Variants in SEMA4B observed in about 807,000 individuals in gnomAD.
The protein encoded by SEMA4B is semaphorin 4B.
A neutral mutation model predicts 88.1 loss-of-function variants in SEMA4B; 55 were observed. The observed-to-expected ratio is 0.62, with a 90% CI of 0.50 to 0.78. The LOEUF is 0.78. Among genes scored for constraint, SEMA4B ranks in the 30% least tolerant of loss-of-function variants. SEMA4B has a pLI of 0.00. For missense variants in SEMA4B, 1,062 were observed against 1,111.9 expected (o/e 0.96, Z 0.64); for synonymous variants, 525 against 473.6 (o/e 1.11, Z -1.41).
At position 90,201,676 on chromosome 15, in the gene SEMA4B, T is replaced by G. The variant is rs1435574349; in HGVS notation, c.98T>G (p.Leu33Arg). ...PPLLLLLLLLLLLQPPPPTWA... is the reference protein window; with the variant it reads ...PPLLLLLLLLRLLQPPPPTWA... ...CTGCTGCTGCTCCTGCTGCTGCTGC[T>G]CCTGCTGCAGCCGCCGCCTCCGACC... Residue 33 changes from leucine (L) to arginine (R), a missense_variant, in exon 1 of 14, where the codon CTC becomes CGC. Physicochemically the swap from Leu to Arg is moderately radical, Grantham distance 102 (BLOSUM62 -2). Transcript: ENST00000411539. 3 of 1,514,926 alleles carry G rather than the reference T, an allele frequency of 2.0e-6. No homozygotes were observed. The East Asian group carries it at 7.8e-5, about 39-fold the overall frequency. The allele number at this position is 1,514,926 out of a possible 1,614,324, so 93.8% of individuals were successfully genotyped here. A position where few individuals can be genotyped will look rare whatever the true frequency, so the allele number is the denominator to read the frequency against.
chr15:90,227,626 G>A lies in SEMA4B; in HGVS notation c.1758G>A (p.Pro586=), dbSNP rs369838829. The A allele has an allele frequency of 9.7e-5, 156 of 1,613,986 alleles. No individual in the cohort carries two copies. The highest frequency in any genetic ancestry group is 1.2e-4 in the Non-Finnish European group (143 of 1,179,868). The part of the protein sequence containing the change: ...DLCSASSVVS[P]SFVPTGEKPC... ...GCAGCGCGTCTTCGGTTGTGTCCCC[G>A]TCTTTTGTACCAACAGGTGAGGTGC... Residue 586 remains proline, a synonymous_variant, in exon 13 of 14, where the codon CCG becomes CCA. Coordinates refer to ENST00000411539, the MANE Select transcript of SEMA4B (RefSeq NM_198925.4).
In SEMA4B at chr15:90,225,157, G is replaced by A. The variant is rs201828607; in HGVS notation, c.1384G>A (p.Asp462Asn). ...HRVPGLHHTYDVLFLGTGDGR... is the reference protein window; with the variant it reads ...HRVPGLHHTYNVLFLGTGDGR... ...CGTCCCTGGCCTGCACCACACCTAC[G>A]ATGTCCTCTTCCTGGGCACTGGTAA... is the stretch of plus-strand genomic sequence containing the variant. Residue 462 changes from aspartate to asparagine, a missense_variant, in exon 10 of 14, where the codon GAT becomes AAT. Physicochemically the swap from Asp to Asn is conservative, Grantham distance 23. Coordinates refer to ENST00000411539, the MANE Select transcript of SEMA4B (RefSeq NM_198925.4). The A allele has an allele frequency of 1.5e-3, 2,457 of 1,608,582 alleles. 26 individuals carry two copies. Among genetic ancestry groups the A allele is most frequent in the Non-Finnish European group, 8.7e-4 (1,021 of 1,177,464 alleles).
chr15:90,212,541 G>A lies in SEMA4B; in HGVS notation c.158-4898G>A, dbSNP rs967848876. On this transcript the variant is annotated intron_variant, in intron 1 of 13. Transcript: ENST00000411539. The surrounding 1 kb of genome is among the most constrained non-coding windows in gnomAD (Gnocchi z 4.0). Reference sequence around the variant, plus strand: ...AAGCTTAAGACTGACCCCAAGGTGCGCCAGCCCCTCGCAGGAAGTAAAGTG... The same window carrying A: ...AAGCTTAAGACTGACCCCAAGGTGCACCAGCCCCTCGCAGGAAGTAAAGTG... Among the ~76,000 whole-genome samples the A allele has an allele frequency of 6.6e-5, 10 of 152,262 alleles. No homozygotes were observed. The highest frequency in any genetic ancestry group is 1.3e-4 in the Non-Finnish European group (9 of 68,018).
chr15:90,198,829 G>A (rs2151590082), upstream of SEMA4B, among the ~76,000 whole-genome samples: 1 of 152,304 alleles, frequency 6.6e-6, no homozygotes, highest in South Asian at 2.1e-4. Flanking sequence ...GGAACCCTTG[G>A]AGGGTTTTGA....
chr15:90,192,347 C>T (rs527369376), intron 1 of SEMA4B, among the ~76,000 whole-genome samples: 18 of 152,278 alleles, frequency 1.2e-4, no homozygotes, highest in African/African-American at 3.1e-4. Context: ...GGCCAGGAGC[C>T]GCCTGGCAGG....
Position 90,229,649 on chromosome 15 carries a change from A to C in SEMA4B, c.*1006A>C. 1 of 332,766 alleles carries C rather than the reference A, an allele frequency of 3.0e-6. No homozygotes were observed. The highest frequency in any genetic ancestry group is 9.6e-5 in the East Asian group (1 of 10,404). 20.6% of individuals were successfully genotyped at this position (332,766 alleles called of 1,614,324 possible). On this transcript the variant is annotated 3_prime_UTR_variant, in exon 14 of 14. Coordinates refer to ENST00000411539, the MANE Select transcript of SEMA4B (RefSeq NM_198925.4). ...GTCATTTTTTAATAAAGTCTGAAGA[A>C]TTACTGTTTAATCCTGGCTCTTCCT... is the stretch of plus-strand genomic sequence containing the variant.
intron 13 of SEMA4B, 110 bp downstream of exon 13, chr15:90,227,752 C>T: frequency 6.9e-7 from 1 of 1,454,312 alleles, no homozygotes; most frequent in Non-Finnish European, 9.4e-7. Flanking sequence ...TTGCCCCCTA[C>T]CCCTGTAAGC....
intron 1 of SEMA4B, among the ~76,000 whole-genome samples, chr15:90,213,404 C>G (rs1368624779): frequency 6.6e-6 from 1 of 152,266 alleles, no homozygotes; most frequent in Non-Finnish European, 1.5e-5. Flanking sequence ...CCTTCACCCC[C>G]CTCTCCAAGG....
intron 12 of SEMA4B, 36 bp downstream of exon 12, chr15:90,225,863 G>A (rs1341237011): frequency 1.4e-6 from 2 of 1,452,034 alleles, no homozygotes; most frequent in Non-Finnish European, 1.8e-6. Context: ...CATCTGTCCA[G>A]CCCTGCACAG....
intron 3 of SEMA4B, chr15:90,219,506 A>C: frequency 1.1e-5 from 4 of 351,128 alleles, no homozygotes; most frequent in East Asian, 5.7e-5. Flanking sequence ...CTGCTGGGGA[A>C]TAGTACAACT....
At chr15:90,206,719 T>C (rs1052541164) in intron 1 of SEMA4B, 2 of 743,616 alleles carry the variant, frequency 2.7e-6, no homozygotes, top group Non-Finnish European at 4.7e-6. Context: ...CCCATCTTTG[T>C]GTGCTTGCAT....
chr15:90,210,719 C>T (rs1474723993), intron 1 of SEMA4B, among the ~76,000 whole-genome samples: 2 of 145,698 alleles, frequency 1.4e-5, no homozygotes, highest in Admixed American at 6.9e-5. Context: ...AGACTGGGGG[C>T]ACAGGTACCT....
At chr15:90,211,924 G>A (rs910141318) in intron 1 of SEMA4B, among the ~76,000 whole-genome samples, 1 of 152,164 alleles carries the variant, frequency 6.6e-6, no homozygotes, top group Non-Finnish European at 1.5e-5. Context: ...GCCGTGCCCG[G>A]AGCCACAGTA....
Position 90,227,936 on chromosome 15 carries a change from C to A in SEMA4B, c.1807C>A (p.Pro603Thr). The change falls in exon 14 of 14, where the codon CCC becomes ACC. Residue 603 changes from proline (P) to threonine (T), a missense_variant. By Grantham distance (38) the Pro-to-Thr change is conservative. Transcript: ENST00000411539. ...GCCATGTGAGCAAGTCCAGTTCCAG[C>A]CCAACACAGTGAACACTTTGGCCTG... ...EKPCEQVQFQ[P>T]NTVNTLACPL... 1 of 1,613,266 alleles carries A rather than the reference C, an allele frequency of 6.2e-7. No homozygotes were observed. The highest frequency in any genetic ancestry group is 8.5e-7 in the Non-Finnish European group (1 of 1,179,872).
At chr15:90,206,089 C>T (rs1376632834) in intron 1 of SEMA4B, among the ~76,000 whole-genome samples, 1 of 152,218 alleles carries the variant, frequency 6.6e-6, no homozygotes, top group Non-Finnish European at 1.5e-5. Flanking sequence ...CCAGCATGTT[C>T]ATCCTCTAGG....
Position 90,228,258 on chromosome 15 carries a change from C to G in SEMA4B, c.2129C>G (p.Ala710Gly). 1 of 1,593,872 alleles carries G rather than the reference C, an allele frequency of 6.3e-7. No individual in the cohort carries two copies. Reference sequence around the variant, plus strand: ...GCTGGTGGCAAGGCCAGCTGGGGTGCAGACAGGTCCTACTGGAAGGAGTTC... The same window carrying G: ...GCTGGTGGCAAGGCCAGCTGGGGTGGAGACAGGTCCTACTGGAAGGAGTTC... ...APAGGKASWGADRSYWKEFLV... is the reference protein window; with the variant it reads ...APAGGKASWGGDRSYWKEFLV... The change falls in exon 14 of 14, where the codon GCA becomes GGA. Residue 710 changes from alanine to glycine, a missense_variant. Physicochemically the swap from Ala to Gly is moderately conservative, Grantham distance 60 (BLOSUM62 0). Transcript: ENST00000411539.
At chr15:90,226,261 G>A (rs956848993) in intron 12 of SEMA4B, among the ~76,000 whole-genome samples, 14 of 152,158 alleles carry the variant, frequency 9.2e-5, no homozygotes, top group African/African-American at 2.4e-4. Context: ...AGAGAGAATC[G>A]CAGTGAGATT....
At chr15:90,185,648 C>G (rs1260086985) in intron 1 of SEMA4B, among the ~76,000 whole-genome samples, 12 of 152,202 alleles carry the variant, frequency 7.9e-5, no homozygotes, top group Non-Finnish European at 2.9e-5. Context: ...CACATTTCCT[C>G]ACCTGTAATA....
intron 1 of SEMA4B, among the ~76,000 whole-genome samples, chr15:90,211,463 C>G (rs1206004239): frequency 6.6e-6 from 1 of 152,042 alleles, no homozygotes; most frequent in East Asian, 1.9e-4. Flanking sequence ...AGTCCCTGGT[C>G]AGGGACTCGA....
Sources: allele counts gnomAD v4.1 joint callset (sites outside exome capture counted in the v4.1 genomes callset), GRCh38; gene constraint gnomAD v4.1.1; non-coding constraint Gnocchi (gnomAD v3.1); transcripts MANE v1.5; gene names NCBI Gene and HGNC (gene_info 2026-07-23, HGNC 2026-07-21).